PRIMPOL: variants seen among roughly 807,000 people sequenced by gnomAD.
PRIMPOL encodes the protein primase and DNA directed polymerase.
Under a neutral mutation model 63.6 loss-of-function variants are expected in PRIMPOL, and 54 were observed. The observed-to-expected ratio is 0.85, with a 90% confidence interval of 0.68 to 1.07. The LOEUF (loss-of-function observed/expected upper bound fraction) is 1.07, where lower values mean the gene tolerates loss of function less well. PRIMPOL is among the 50% of genes least tolerant of loss of function. The pLI, the probability that PRIMPOL is intolerant of heterozygous loss-of-function variation, is 0.00. For synonymous variants in PRIMPOL, 197 were observed against 220.2 expected (o/e 0.89, Z 0.93); for missense variants, 610 against 648.3 (o/e 0.94, Z 0.64).
intron 7 of PRIMPOL, among the ~76,000 whole-genome samples, chr4:184,673,069 C>T (rs1752251249): frequency 6.6e-6 from 1 of 151,958 alleles, no homozygotes; most frequent in Non-Finnish European, 1.5e-5. Flanking sequence ...AACTGCACCT[C>T]ATTTTTATAC....
chr4:184,672,071 A>T lies in PRIMPOL; in HGVS notation c.557-102A>T, dbSNP rs1751922422. 5 of 1,109,888 alleles carry T rather than the reference A, an allele frequency of 4.5e-6. No individual in the cohort carries two copies. In the Admixed American group the frequency reaches 9.1e-5, roughly 20 times the overall value. The allele number at this position is 1,109,888 out of a possible 1,614,324, so 68.8% of individuals were successfully genotyped here. On this transcript the variant is annotated intron_variant, in intron 6 of 13. Transcript: ENST00000314970. The stretch of plus-strand genomic sequence containing the variant: ...CAGTTTTGAAACCAGAAATCAAAAA[A>T]TGGTTTTCTGTGTAAAATTGTCATA...
rs1451503409 is a variant in PRIMPOL at position 184,691,575 on chromosome 4, T to TCTGA, written c.1376_1378+1dup. The TCTGA allele has an allele frequency of 6.2e-7, 1 of 1,607,514 alleles. No individual in the cohort carries two copies. Among genetic ancestry groups the TCTGA allele is most frequent in the Admixed American group, 1.7e-5 (1 of 59,886 alleles). ...TGTATGTAAAGCAGAAAACTTCAAA[T>TCTGA]CTGACTGTAAGTTACTAATTTTTAC... On this transcript the variant is annotated frameshift_variant, in exon 12 of 14. Coordinates refer to ENST00000314970, the MANE Select transcript of PRIMPOL (RefSeq NM_152683.4). LOFTEE classifies it high-confidence loss of function.
intron 2 of PRIMPOL, among the ~76,000 whole-genome samples, chr4:184,655,235 C>A (rs950545887): frequency 6.6e-6 from 1 of 151,482 alleles, no homozygotes; most frequent in Admixed American, 6.6e-5. Flanking sequence ...GTCTCGAACT[C>A]CTGACCTCAG....
In PRIMPOL at chr4:184,657,361, C is replaced by T. The variant is rs747731939; in HGVS notation, c.180+41C>T. 2.0e-5 allele frequency: 27 copies of T among 1,383,964 alleles called. 1 individual carries two copies. The South Asian group carries it at 3.3e-4, about 17-fold the overall frequency. 85.7% of individuals were successfully genotyped at this position (1,383,964 alleles called of 1,614,324 possible). Reference sequence around the variant, plus strand: ...TCCTCTTCTTCTTCCTCCTCTTCCACTTCCTCTTCTTTCTTCTTCTTCTTC... The same window carrying T: ...TCCTCTTCTTCTTCCTCCTCTTCCATTTCCTCTTCTTTCTTCTTCTTCTTC... On this transcript the variant is annotated intron_variant, in intron 3 of 13. Transcript: ENST00000314970.
intron 7 of PRIMPOL, among the ~76,000 whole-genome samples, chr4:184,672,774 G>T (rs758334498): frequency 1.3e-5 from 2 of 152,136 alleles, no homozygotes; most frequent in African/African-American, 2.4e-5. Flanking sequence ...CTGCTGAGAG[G>T]TTAAGTCAGA....
intron 8 of PRIMPOL, among the ~76,000 whole-genome samples, chr4:184,681,813 A>T (rs1370593761): frequency 6.6e-6 from 1 of 152,208 alleles, no homozygotes; most frequent in African/African-American, 2.4e-5. Context: ...ACCTCAAGTG[A>T]TCGGCCCATC....
In PRIMPOL at chr4:184,691,670, C is replaced by G. The variant is rs749213287; in HGVS notation, c.1383C>G (p.Phe461Leu). The change falls in exon 13 of 14, where the codon TTC becomes TTG. Residue 461 changes from phenylalanine (F) to leucine (L), a missense_variant. Phe to Leu is a conservative substitution (Grantham distance 22). Coordinates refer to ENST00000314970, the MANE Select transcript of PRIMPOL (RefSeq NM_152683.4). ...TTTGCTATCTTTCTGATTCAGGTTT[C>G]CCATTACCTGCTGAAGTATGTCTCC... ...CKAENFKSDC[F>L]PLPAEVCLLF... The G allele has an allele frequency of 3.1e-6, 5 of 1,612,078 alleles. No individual in the cohort carries two copies. Among genetic ancestry groups the G allele is most frequent in the Non-Finnish European group, 2.5e-6 (3 of 1,178,426 alleles).
chr4:184,693,822 G>A (rs559023828), intron 13 of PRIMPOL, among the ~76,000 whole-genome samples: 162 of 152,218 alleles, frequency 1.1e-3, no homozygotes, highest in African/African-American at 3.0e-3. Flanking sequence ...AGCACGTAGC[G>A]GAAAGAATAA....
intron 6 of PRIMPOL, among the ~76,000 whole-genome samples, chr4:184,670,545 A>ATT (rs57234973): frequency 0.087 from 11,952 of 136,600 alleles, 656 homozygotes; most frequent in Middle Eastern, 0.14. Context: ...TAGGAAAGTA[A>ATT]TTTTTTTTTT....
intron 6 of PRIMPOL, among the ~76,000 whole-genome samples, chr4:184,667,075 A>G (rs568278098): frequency 2.6e-5 from 4 of 152,302 alleles, no homozygotes; most frequent in South Asian, 4.1e-4. Context: ...CACCTAGAGT[A>G]AAAGGCGTGG....
rs1760095440 is a variant in PRIMPOL, at chr4:184,694,592, C to T, written c.1496C>T (p.Ser499Leu). 1 of 1,614,036 alleles carries T rather than the reference C, an allele frequency of 6.2e-7. No homozygotes were observed. Among genetic ancestry groups the T allele is most frequent in the African/African-American group, 1.3e-5 (1 of 74,932 alleles). Residue 499 changes from serine to leucine, a missense_variant, in exon 14 of 14, where the codon TCA becomes TTA. Physicochemically the swap from Ser to Leu is moderately radical, Grantham distance 145. Coordinates refer to ENST00000314970, the MANE Select transcript of PRIMPOL (RefSeq NM_152683.4). ...SNETQNPHKP[S>L]PSRLSTGASA... ...GAAACCCAGAATCCTCATAAACCAT[C>T]ACCTAGCAGGCTGTCAACAGGTGCA...
At chr4:184,653,684 C>T (rs1184284197) in intron 2 of PRIMPOL, among the ~76,000 whole-genome samples, 6 of 151,688 alleles carry the variant, frequency 4.0e-5, no homozygotes, top group Admixed American at 3.9e-4. Context: ...AAAAGTTTTC[C>T]TTCGGAACTT....
Position 184,683,880 on chromosome 4 carries a change from A to G in PRIMPOL, c.1097-1529A>G, listed in dbSNP as rs1208442773. ...ATGAAATCCTCTAGCTGTTAAATTT[A>G]AATTTGTGAAGCCTGTATAATGTGG... On this transcript the variant is annotated intron_variant, in intron 9 of 13. Coordinates refer to ENST00000314970, the MANE Select transcript of PRIMPOL (RefSeq NM_152683.4). 7.9e-5 allele frequency among the ~76,000 whole-genome samples: 12 copies of G among 152,342 alleles called. No homozygotes were observed. In the East Asian group the frequency reaches 2.3e-3, roughly 29 times the overall value.
intron 13 of PRIMPOL, among the ~76,000 whole-genome samples, chr4:184,692,670 A>AAAGTG (rs1554007749): frequency 2.0e-5 from 3 of 151,528 alleles, no homozygotes; most frequent in African/African-American, 7.3e-5. Flanking sequence ...TTTTTTTTCT[A>AAAGTG]AAGTATCACA....
At chr4:184,653,851 G>A (rs1745443131) in intron 2 of PRIMPOL, among the ~76,000 whole-genome samples, 1 of 152,070 alleles carries the variant, frequency 6.6e-6, no homozygotes, top group Admixed American at 6.6e-5. Flanking sequence ...GAATGTGATA[G>A]TCCCAAACCA....
At chr4:184,670,774 C>G (rs1751390764) in intron 6 of PRIMPOL, among the ~76,000 whole-genome samples, 1 of 152,056 alleles carries the variant, frequency 6.6e-6, no homozygotes, top group African/African-American at 2.4e-5. Context: ...TCTCAAACTC[C>G]TTACCTCAAG....
chr4:184,653,930 ACCAAGCCCCAGTTGTCT>A (rs1745464846), intron 2 of PRIMPOL, among the ~76,000 whole-genome samples: 1 of 152,234 alleles, frequency 6.6e-6, no homozygotes, highest in Non-Finnish European at 1.5e-5. Flanking sequence ...GCTGGACTAC[ACCAAGCCCCAGTTGTCT>A]TCTGATGCTC....
chr4:184,688,016 G>T (rs1262893353), intron 11 of PRIMPOL, among the ~76,000 whole-genome samples: 1 of 152,180 alleles, frequency 6.6e-6, no homozygotes, highest in Non-Finnish European at 1.5e-5. Context: ...GCAGTATGTA[G>T]CTGTTGCTTA....
At chr4:184,692,999 GTGTTT>G (rs1759277116) in intron 13 of PRIMPOL, among the ~76,000 whole-genome samples, 4 of 152,166 alleles carry the variant, frequency 2.6e-5, no homozygotes, top group Middle Eastern at 3.4e-3. Flanking sequence ...ATTGTAGTTT[GTGTTT>G]TGTTTTTTGT....
Sources: allele counts gnomAD v4.1 joint callset (sites outside exome capture counted in the v4.1 genomes callset), GRCh38; gene constraint gnomAD v4.1.1; transcripts MANE v1.5; gene names NCBI Gene and HGNC (gene_info 2026-07-23, HGNC 2026-07-21).